Variants in TNPO2 observed in about 807,000 individuals in gnomAD.
TNPO2 encodes the protein transportin-2.
A neutral mutation model predicts 111.1 loss-of-function variants in TNPO2; 16 were observed. That is an observed-to-expected ratio of 0.14 (90% CI 0.10 to 0.22). The LOEUF (loss-of-function observed/expected upper bound fraction) is 0.22. Ranked by LOEUF, TNPO2 falls within the 10% of genes least tolerant of loss-of-function variation. The pLI, the probability that TNPO2 is intolerant of heterozygous loss-of-function variation, is 1.00. For synonymous variants in TNPO2, 481 were observed against 475.8 expected, an observed-to-expected ratio of 1.01 and a Z score of -0.14; for missense variants, 530 against 1,173.7, an observed-to-expected ratio of 0.45 and a Z score of 8.01.
rs375230399 is a variant in TNPO2 at position 12,710,777 on chromosome 19, G to T, written c.1118-4C>A. ...AGTGCAGCCGCTGAGCACTTCCCTG[G>T]GGAAGGGGGAACAATGGGGAGGCTC... On this transcript the variant is annotated splice_polypyrimidine_tract_variant and splice_region_variant and intron_variant, in intron 12 of 25. Coordinates refer to ENST00000425528, the MANE Select transcript of TNPO2 (RefSeq NM_001382241.1). 7 of 1,605,064 alleles carry T rather than the reference G, an allele frequency of 4.4e-6. No homozygotes were observed. The highest frequency in any genetic ancestry group is 1.3e-5 in the African/African-American group (1 of 74,554).
rs2025233039 is a variant in TNPO2, at chr19:12,700,626, GCC to G, written c.*636_*637del. 6.0e-5 allele frequency: 5 copies of G among 82,792 alleles called. No homozygotes were observed. Among genetic ancestry groups the G allele is most frequent in the African/African-American group, 2.3e-4 (5 of 22,060 alleles). 5.1% of individuals were successfully genotyped at this position (82,792 alleles called of 1,614,324 possible). A position where few individuals can be genotyped will look rare whatever the true frequency, so the allele number is the denominator to read the frequency against. On this transcript the variant is annotated 3_prime_UTR_variant, in exon 26 of 26. Coordinates refer to ENST00000425528, the MANE Select transcript of TNPO2 (RefSeq NM_001382241.1). ...CCAAGGTCACCATCCTCCTCCCCCC[GCC>G]CCGAGATCCCGCCTGAGGCCCCCCA... is the stretch of plus-strand genomic sequence containing the variant.
Position 12,719,235 on chromosome 19 carries a change from C to T in TNPO2, c.175+26G>A, listed in dbSNP as rs145158004. 2.8e-4 allele frequency: 451 copies of T among 1,613,886 alleles called. 5 individuals are homozygous for T. In the East Asian group the frequency reaches 8.2e-3, roughly 29 times the overall value. ...CAGGGGGAGAAAGCAGGGTCCCGAT[C>T]GCATGGAAGGGAGCAGAGGGCGTAC... On this transcript the variant is annotated intron_variant, in intron 4 of 25. Coordinates refer to ENST00000425528, the MANE Select transcript of TNPO2 (RefSeq NM_001382241.1). This position sits in a 1 kb window ranked among gnomAD's most constrained non-coding sequence, Gnocchi z 5.0.
rs2025327677 is a variant in TNPO2, at chr19:12,701,868, A to G, written c.2412-17T>C. 2 of 1,606,424 alleles carry G rather than the reference A, an allele frequency of 1.2e-6. No individual in the cohort carries two copies. The highest frequency in any genetic ancestry group is 1.7e-6 in the Non-Finnish European group (2 of 1,174,718). ...GACGTGCACCTGTGGGAAGGTGAGC[A>G]GCTGGAGGTCAGAGGGCAGGCTGGG... is the stretch of plus-strand genomic sequence containing the variant. On this transcript the variant is annotated splice_polypyrimidine_tract_variant and intron_variant, in intron 22 of 25. Transcript: ENST00000425528. The surrounding 1 kb of genome is among the most constrained non-coding windows in gnomAD (Gnocchi z 5.0).
In TNPO2 at chr19:12,719,359, G is replaced by A; in HGVS notation, c.100-23C>T. On this transcript the variant is annotated intron_variant, in intron 3 of 25. Coordinates refer to ENST00000425528, the MANE Select transcript of TNPO2 (RefSeq NM_001382241.1). This position sits in a 1 kb window ranked among gnomAD's most constrained non-coding sequence, Gnocchi z 5.0. ...TTTCTGCCAGGCTGTTAAGGGACTT[G>A]GAAGACAGAGGCCTTCCCCCAGCCA... 1 of 1,607,102 alleles carries A rather than the reference G, an allele frequency of 6.2e-7. No individual in the cohort carries two copies. The highest frequency in any genetic ancestry group is 8.5e-7 in the Non-Finnish European group (1 of 1,174,014).
intron 13 of TNPO2, among the ~76,000 whole-genome samples, chr19:12,707,343 T>C (rs2025744813): frequency 6.6e-6 from 1 of 152,152 alleles, no homozygotes; most frequent in Non-Finnish European, 1.5e-5. Flanking sequence ...CATTAATTCA[T>C]GTGTTAATTG....
chr19:12,723,413 T>C (rs1967134475), intron 1 of TNPO2, 48 bp from the exon 2 acceptor site: 1 of 152,094 alleles, frequency 6.6e-6, no homozygotes, highest in Non-Finnish European at 1.5e-5. Context: ...TGTAGCGTCT[T>C]GGTTTCCCCT....
At chr19:12,713,390 A>G (rs1027286159) in intron 10 of TNPO2, among the ~76,000 whole-genome samples, 19 of 152,230 alleles carry the variant, frequency 1.2e-4, no homozygotes, top group African/African-American at 4.1e-4. Context: ...CTGTCATTAT[A>G]GCACTTTGGG....
intron 18 of TNPO2, among the ~76,000 whole-genome samples, chr19:12,704,561 G>T (rs1336448938): frequency 6.6e-6 from 1 of 152,206 alleles, no homozygotes; most frequent in East Asian, 1.9e-4. Flanking sequence ...CAGTACAGAT[G>T]TAATTTTTCC....
intron 13 of TNPO2, among the ~76,000 whole-genome samples, chr19:12,708,991 A>T (rs1194809558): frequency 6.6e-6 from 1 of 151,592 alleles, no homozygotes; most frequent in Non-Finnish European, 1.5e-5. Context: ...GTGAGCCAAG[A>T]TCACACCACT....
At position 12,700,148 on chromosome 19, in the gene TNPO2, A is replaced by AG. The variant is rs1455284064; in HGVS notation, c.*1115dup. 6.6e-6 allele frequency: 1 copy of AG among 152,122 alleles called. No individual in the cohort carries two copies. Among genetic ancestry groups the AG allele is most frequent in the Non-Finnish European group, 1.5e-5 (1 of 68,034 alleles). The allele number at this position is 152,122 out of a possible 1,614,324, so 9.4% of individuals were successfully genotyped here. ...GTCCCAGGGAGATGGAATAGGGAAC[A>AG]GGGGACACACCACCTTTCCCTTCCA... is the stretch of plus-strand genomic sequence containing the variant. On this transcript the variant is annotated 3_prime_UTR_variant, in exon 26 of 26. Transcript: ENST00000425528.
rs970077635 is a variant in TNPO2, at chr19:12,701,121, C to T, written c.*143G>A. On this transcript the variant is annotated 3_prime_UTR_variant, in exon 26 of 26. Transcript: ENST00000425528. This position sits in a 1 kb window ranked among gnomAD's most constrained non-coding sequence, Gnocchi z 5.0. ...ACGGATGGACGGACGGACGGACGGA[C>T]GGGGAAGGCATCTGGATTTGAGTCC... 3.2e-5 allele frequency: 16 copies of T among 495,428 alleles called. No homozygotes were observed. Among genetic ancestry groups the T allele is most frequent in the South Asian group, 2.5e-4 (8 of 32,366 alleles). The allele number at this position is 495,428 out of a possible 1,614,324, so 30.7% of individuals were successfully genotyped here. A position where few individuals can be genotyped will look rare whatever the true frequency, so the allele number is the denominator to read the frequency against.
In TNPO2 at chr19:12,699,648, T is replaced by G. The variant is rs545707856; in HGVS notation, c.*1616A>C. 6 of 151,954 alleles carry G rather than the reference T, an allele frequency of 3.9e-5. No homozygotes were observed. Among genetic ancestry groups the G allele is most frequent in the African/African-American group, 1.5e-4 (6 of 41,224 alleles). The allele number at this position is 151,954 out of a possible 1,614,324, so 9.4% of individuals were successfully genotyped here. On this transcript the variant is annotated 3_prime_UTR_variant, in exon 26 of 26. Coordinates refer to ENST00000425528, the MANE Select transcript of TNPO2 (RefSeq NM_001382241.1). The stretch of plus-strand genomic sequence containing the variant: ...GAATTACCAGAAAATTAAAAGGTAT[T>G]TTTAAAACTTTTTTTTTTTTTTTTA...
intron 13 of TNPO2, among the ~76,000 whole-genome samples, chr19:12,707,256 CA>C (rs1480327255): frequency 1.3e-5 from 2 of 152,158 alleles, no homozygotes; most frequent in Non-Finnish European, 2.9e-5. Flanking sequence ...CCTGGCCTCC[CA>C]AAGTGCTGGG....
At position 12,706,485 on chromosome 19, in the gene TNPO2, C is replaced by A. The variant is rs2025676031; in HGVS notation, c.1496+85G>T. 5 of 1,573,458 alleles carry A rather than the reference C, an allele frequency of 3.2e-6. No individual in the cohort carries two copies. Among genetic ancestry groups the A allele is most frequent in the African/African-American group, 2.7e-5 (2 of 74,092 alleles). On this transcript the variant is annotated intron_variant, in intron 14 of 25. Coordinates refer to ENST00000425528, the MANE Select transcript of TNPO2 (RefSeq NM_001382241.1). This position sits in a 1 kb window ranked among gnomAD's most constrained non-coding sequence, Gnocchi z 7.0. ...AGTACGAATACGCGATAAATCAGTT[C>A]CACATCAACAGTCACAGGTGTCATC...
rs776915167 is a variant in TNPO2 at position 12,702,921 on chromosome 19, G to T, written c.2210-3C>A. ...CACATAAGGCTGCATCTCTGCCCCT[G>T]GGGGAGCACCCAGTCAGAGCCCTGC... On this transcript the variant is annotated splice_region_variant and splice_polypyrimidine_tract_variant and intron_variant, in intron 20 of 25. Transcript: ENST00000425528. The surrounding 1 kb of genome is among the most constrained non-coding windows in gnomAD (Gnocchi z 5.5). The T allele has an allele frequency of 1.2e-6, 2 of 1,613,544 alleles. No homozygotes were observed. Among genetic ancestry groups the T allele is most frequent in the South Asian group, 2.2e-5 (2 of 91,060 alleles).
intron 10 of TNPO2, among the ~76,000 whole-genome samples, chr19:12,714,469 C>T (rs563963894): frequency 2.2e-4 from 33 of 152,118 alleles, no homozygotes; most frequent in Non-Finnish European, 3.7e-4. Context: ...CCTGCCACCA[C>T]GCCCAGCTAT....
rs1169380852 is a variant in TNPO2 at position 12,705,456 on chromosome 19, T to C, written c.1863+36A>G. ...GTGGAGCAGGCCCGAGGCAGGCCAA[T>C]GCAGAAGCACAGGTGACGGGCCTAG... On this transcript the variant is annotated intron_variant, in intron 17 of 25. Coordinates refer to ENST00000425528, the MANE Select transcript of TNPO2 (RefSeq NM_001382241.1). The surrounding 1 kb of genome is among the most constrained non-coding windows in gnomAD (Gnocchi z 7.2). 4 of 1,577,020 alleles carry C rather than the reference T, an allele frequency of 2.5e-6. No individual in the cohort carries two copies. The highest frequency in any genetic ancestry group is 3.4e-6 in the Non-Finnish European group (4 of 1,161,380).
rs1052400743 is a variant in TNPO2, at chr19:12,700,730, C to T, written c.*534G>A. 4.0e-5 allele frequency: 6 copies of T among 148,818 alleles called. No individual in the cohort carries two copies. The highest frequency in any genetic ancestry group is 2.1e-4 in the South Asian group (1 of 4,704). The allele number at this position is 148,818 out of a possible 1,614,324, so 9.2% of individuals were successfully genotyped here. A position where few individuals can be genotyped will look rare whatever the true frequency, so the allele number is the denominator to read the frequency against. ...TCTTAAACTCTAGATGCAGGTTACA[C>T]GGAAGGCCTTACGGGTTAACTCAGG... On this transcript the variant is annotated 3_prime_UTR_variant, in exon 26 of 26. Coordinates refer to ENST00000425528, the MANE Select transcript of TNPO2 (RefSeq NM_001382241.1).
intron 10 of TNPO2, among the ~76,000 whole-genome samples, chr19:12,713,778 A>T (rs2026202239): frequency 6.6e-6 from 1 of 152,144 alleles, no homozygotes; most frequent in Admixed American, 6.6e-5. Flanking sequence ...CTGTAATCTC[A>T]ACACTTTAGG....
Sources: gnomAD v4.1 joint callset for allele counts (sites outside exome capture counted in the v4.1 genomes callset) on GRCh38, gnomAD v4.1.1 for gene constraint, Gnocchi (gnomAD v3.1) non-coding constraint, MANE v1.5 for transcripts, NCBI Gene and HGNC (gene_info 2026-07-23, HGNC 2026-07-21) for gene names.